G3BP1: variants seen among roughly 807,000 people sequenced by gnomAD.
G3BP1 encodes ras GTPase-activating protein-binding protein 1.
A neutral mutation model predicts 58.6 loss-of-function variants in G3BP1; 35 were observed. That is an observed-to-expected ratio of 0.60 (90% CI 0.46 to 0.79). G3BP1 has a LOEUF of 0.79. G3BP1 is among the 30% of genes least tolerant of loss of function. The probability of loss-of-function intolerance (pLI) is 0.00; values close to 1 mark genes in which losing one functional copy is unlikely to be tolerated. For synonymous variants in G3BP1, 191 were observed against 195.4 expected (o/e 0.98, Z 0.19); for missense variants, 523 against 580.8 (o/e 0.90, Z 1.02).
intron 1 of G3BP1, among the ~76,000 whole-genome samples, chr5:151,778,607 AATTTTTGT>A (rs937725011): frequency 3.3e-5 from 5 of 151,856 alleles, no homozygotes; most frequent in Admixed American, 1.3e-4. Flanking sequence ...ACACCCGGCT[AATTTTTGT>A]ATTTTTAGTA....
intron 4 of G3BP1, chr5:151,792,316 C>T (rs1762673301): frequency 4.5e-6 from 1 of 223,394 alleles, no homozygotes; most frequent in Non-Finnish European, 9.2e-6. Flanking sequence ...GGATAGCAAA[C>T]CTGAAACGCC....
Position 151,808,528 on chromosome 5 carries a change from T to C in G3BP1, c.*4437T>C, listed in dbSNP as rs1762969548. 1 of 152,248 alleles carries C rather than the reference T, an allele frequency of 6.6e-6. No individual in the cohort carries two copies. 9.4% of individuals were successfully genotyped at this position (152,248 alleles called of 1,614,324 possible). A position where few individuals can be genotyped will look rare whatever the true frequency, so the allele number is the denominator to read the frequency against. ...TTCGTCTTCTCTCCACAGTTTCTAC[T>C]TGAACCTAGTAGCTTATTTTAATTC... is the stretch of plus-strand genomic sequence containing the variant. On this transcript the variant is annotated 3_prime_UTR_variant, in exon 12 of 12. Transcript: ENST00000356245.
chr5:151,783,209 A>G (rs973427081), intron 1 of G3BP1, among the ~76,000 whole-genome samples: 11 of 152,190 alleles, frequency 7.2e-5, no homozygotes, highest in Admixed American at 2.0e-4. Flanking sequence ...TTTAGATTTG[A>G]TAGAATTGAG....
chr5:151,799,734 G>C (rs1210127093), intron 8 of G3BP1, among the ~76,000 whole-genome samples, 155 bp from the exon 9 acceptor site: 2 of 151,718 alleles, frequency 1.3e-5, no homozygotes, highest in East Asian at 3.8e-4. Flanking sequence ...CTGACATATA[G>C]GACGGAAGAG....
chr5:151,794,173 T>G lies in G3BP1; in HGVS notation c.366T>G (p.Asn122Lys). The G allele has an allele frequency of 6.2e-7, 1 of 1,607,672 alleles. No individual in the cohort carries two copies. Residue 122 changes from asparagine (N) to lysine (K), a missense_variant, in exon 5 of 12, where the codon AAT (asparagine) becomes AAG (lysine). This residue lies in a region of G3BP1 where 398 missense variants were observed against 399.1 expected (regional missense o/e 1.00). Coordinates refer to ENST00000356245, the MANE Select transcript of G3BP1 (RefSeq NM_005754.3). The part of the protein sequence containing the change: ...FVLAPEGSVA[N>K]KFYVHNDIFR... ...TGGCATTGCAGGGGTCTGTTGCAAA[T>G]AAATTCTATGTTCACAATGATATCT... is the stretch of plus-strand genomic sequence containing the variant.
chr5:151,793,850 A>C (rs1391373943), intron 4 of G3BP1, among the ~76,000 whole-genome samples: 1 of 147,804 alleles, frequency 6.8e-6, no homozygotes, highest in East Asian at 2.0e-4. Flanking sequence ...AAAAAAAAAA[A>C]AGAAAAAAGA....
intron 1 of G3BP1, among the ~76,000 whole-genome samples, chr5:151,780,969 G>T (rs1013020828): frequency 1.3e-5 from 2 of 152,116 alleles, no homozygotes; most frequent in African/African-American, 2.4e-5. Flanking sequence ...ATGAACAAAC[G>T]TGGGTATGAA....
At position 151,800,878 on chromosome 5, in the gene G3BP1, C is replaced by G. The variant is rs1342209974; in HGVS notation, c.1194+9C>G. 7.8e-7 allele frequency: 1 copy of G among 1,286,832 alleles called. No homozygotes were observed. The highest frequency in any genetic ancestry group is 1.3e-5 in the South Asian group (1 of 74,348). 79.7% of individuals were successfully genotyped at this position (1,286,832 alleles called of 1,614,324 possible). A position where few individuals can be genotyped will look rare whatever the true frequency, so the allele number is the denominator to read the frequency against. Reference sequence around the variant, plus strand: ...AAGTCCTTAGCAACAGGGTAAGCAGCTTTTTGTCTTGATTTTTTTTTTTTT... The same window carrying G: ...AAGTCCTTAGCAACAGGGTAAGCAGGTTTTTGTCTTGATTTTTTTTTTTTT... On this transcript the variant is annotated intron_variant, in intron 11 of 11. Coordinates refer to ENST00000356245, the MANE Select transcript of G3BP1 (RefSeq NM_005754.3).
At chr5:151,781,488 T>C (rs1341082835) in intron 1 of G3BP1, among the ~76,000 whole-genome samples, 1 of 152,234 alleles carries the variant, frequency 6.6e-6, no homozygotes, top group Non-Finnish European at 1.5e-5. Context: ...TTCTCTTCAA[T>C]GAGTAGTTTT....
chr5:151,795,124 A>G (rs993061371), intron 5 of G3BP1, among the ~76,000 whole-genome samples: 3 of 152,218 alleles, frequency 2.0e-5, no homozygotes, highest in African/African-American at 7.2e-5. Flanking sequence ...AAAAATACAA[A>G]AAATTAGCCA....
Position 151,810,681 on chromosome 5 carries a change from A to G in G3BP1, c.*6590A>G, listed in dbSNP as rs1342408852. ...CCACCAGAAGGTACAGTGACTCATA[A>G]CTAGAGTCTTTAGATGAAACTTACT... On this transcript the variant is annotated 3_prime_UTR_variant, in exon 12 of 12. Transcript: ENST00000356245. The G allele has an allele frequency of 6.6e-6, 1 of 152,222 alleles. No homozygotes were observed. The highest frequency in any genetic ancestry group is 2.4e-5 in the African/African-American group (1 of 41,462). 9.4% of individuals were successfully genotyped at this position (152,222 alleles called of 1,614,324 possible). A position where few individuals can be genotyped will look rare whatever the true frequency, so the allele number is the denominator to read the frequency against.
At chr5:151,782,471 A>G (rs1762484774) in intron 1 of G3BP1, among the ~76,000 whole-genome samples, 1 of 152,214 alleles carries the variant, frequency 6.6e-6, no homozygotes, top group Non-Finnish European at 1.5e-5. Context: ...GGTAAACTCA[A>G]GGTCATGTTT....
chr5:151,802,135 T>G (rs112701323), intron 11 of G3BP1, among the ~76,000 whole-genome samples: 52 of 152,322 alleles, frequency 3.4e-4, no homozygotes, highest in African/African-American at 1.2e-3. Flanking sequence ...TAGTTTAATG[T>G]TGTGGTTATA....
intron 2 of G3BP1, among the ~76,000 whole-genome samples, chr5:151,789,260 TG>T (rs1306959543): frequency 6.6e-6 from 1 of 152,054 alleles, no homozygotes; most frequent in East Asian, 1.9e-4. Flanking sequence ...CTGGCCAATA[TG>T]GCAAAGCCTT....
At chr5:151,792,568 T>C (rs1045244249) in intron 4 of G3BP1, among the ~76,000 whole-genome samples, 3 of 152,224 alleles carry the variant, frequency 2.0e-5, no homozygotes, top group Non-Finnish European at 4.4e-5. Flanking sequence ...AACTGTCTCA[T>C]TTAATACAGA....
At chr5:151,803,316 G>A (rs866642256) in intron 11 of G3BP1, among the ~76,000 whole-genome samples, 1 of 151,082 alleles carries the variant, frequency 6.6e-6, no homozygotes, top group Non-Finnish European at 1.5e-5. Context: ...TTTTTTATTG[G>A]GACGGAGTCT....
chr5:151,782,849 C>CT (rs796501774), intron 1 of G3BP1, among the ~76,000 whole-genome samples: 4,067 of 73,928 alleles, frequency 0.055, 851 homozygotes, highest in African/African-American at 0.12. Context: ...TGTGACTCAT[C>CT]TTTTTTTTTT....
intron 1 of G3BP1, among the ~76,000 whole-genome samples, chr5:151,777,300 A>G (rs1355451991): frequency 6.6e-6 from 1 of 152,232 alleles, no homozygotes; most frequent in African/African-American, 2.4e-5. Context: ...AAAATTTAAT[A>G]TATTCTCAAG....
At chr5:151,791,089 G>T (rs778596413) in intron 4 of G3BP1, 27 bp downstream of exon 4, 2 of 1,550,736 alleles carry the variant, frequency 1.3e-6, no homozygotes, top group Admixed American at 3.3e-5. Context: ...TTATTTTGTA[G>T]TGATCCAATA....
Sources: allele counts gnomAD v4.1 joint callset (sites outside exome capture counted in the v4.1 genomes callset), GRCh38; gene constraint gnomAD v4.1.1; regional missense constraint gnomAD v4.1.1; transcripts MANE v1.5; gene names NCBI Gene and HGNC (gene_info 2026-07-23, HGNC 2026-07-21).